DAB1: variants seen among roughly 807,000 people sequenced by gnomAD.
DAB1 encodes DAB adaptor protein 1.
Under a neutral mutation model 64.6 loss-of-function variants are expected in DAB1, and 15 were observed. The observed-to-expected ratio is 0.23, with a 90% CI of 0.16 to 0.36. DAB1 has a LOEUF of 0.36. Ranked by LOEUF, DAB1 falls within the 10% of genes least tolerant of loss-of-function variation. The pLI, the probability that DAB1 is intolerant of heterozygous loss-of-function variation, is 1.00. For synonymous variants in DAB1, 235 were observed against 251.9 expected, an observed-to-expected ratio of 0.93 and a Z score of 0.64; for missense variants, 596 against 706.7, an observed-to-expected ratio of 0.84 and a Z score of 1.78.
At chr1:57,492,134 T>C (rs1000677747) in intron 7 of DAB1, among the ~76,000 whole-genome samples, 11 of 152,322 alleles carry the variant, frequency 7.2e-5, no homozygotes, top group African/African-American at 2.2e-4. Flanking sequence ...AGAAAAGACA[T>C]GTTCATAGTC....
intron 3 of DAB1, among the ~76,000 whole-genome samples, chr1:58,427,850 A>T (rs915263827): frequency 6.6e-6 from 1 of 152,234 alleles, no homozygotes; most frequent in Non-Finnish European, 1.5e-5. Context: ...TCATCAACTC[A>T]GCCAGCGTGA....
chr1:58,218,871 C>T (rs573624592), intron 4 of DAB1, among the ~76,000 whole-genome samples: 5 of 152,178 alleles, frequency 3.3e-5, no homozygotes, highest in South Asian at 2.1e-4. Context: ...TCTATCAACA[C>T]GCAGTGCATC....
At chr1:58,012,599 A>G (rs1157058693) in intron 5 of DAB1, among the ~76,000 whole-genome samples, 1 of 152,194 alleles carries the variant, frequency 6.6e-6, no homozygotes, top group East Asian at 1.9e-4. Flanking sequence ...TAAGGCAATG[A>G]GGATAGAGCT....
chr1:57,193,654 G>A (rs889816444), intron 2 of DAB1, among the ~76,000 whole-genome samples: 5 of 152,098 alleles, frequency 3.3e-5, no homozygotes, highest in Non-Finnish European at 5.9e-5. Context: ...CAAAGTGCTG[G>A]CATTGTAGGC....
At chr1:58,101,460 C>A (rs963942082) in intron 5 of DAB1, among the ~76,000 whole-genome samples, 10 of 152,116 alleles carry the variant, frequency 6.6e-5, no homozygotes, top group African/African-American at 2.2e-4. Flanking sequence ...AGAGTGAGAG[C>A]AACCTAGGGG....
intron 3 of DAB1, among the ~76,000 whole-genome samples, chr1:58,470,634 C>A (rs766464408): frequency 1.3e-5 from 2 of 152,142 alleles, no homozygotes; most frequent in Non-Finnish European, 2.9e-5. Context: ...GCGAAGACTG[C>A]AGTTTCTTTT....
chr1:57,341,341 C>T (rs1279086832), intron 1 of DAB1, among the ~76,000 whole-genome samples: 1 of 152,210 alleles, frequency 6.6e-6, no homozygotes, highest in African/African-American at 2.4e-5. Flanking sequence ...GGGAGATTAT[C>T]TAGCACCAAA....
chr1:57,030,659 G>A (rs796187280), intron 9 of DAB1, among the ~76,000 whole-genome samples: 5 of 152,304 alleles, frequency 3.3e-5, no homozygotes, highest in African/African-American at 1.2e-4. Flanking sequence ...CTTTCATACA[G>A]TAACAGCCCA....
intron 4 of DAB1, among the ~76,000 whole-genome samples, chr1:58,299,275 A>C (rs1490003802): frequency 6.6e-6 from 1 of 152,218 alleles, no homozygotes; most frequent in East Asian, 1.9e-4. Flanking sequence ...TTTAAAACTC[A>C]GATTTGACTG....
chr1:57,469,774 A>G (rs1687078281), intron 7 of DAB1, among the ~76,000 whole-genome samples: 1 of 152,220 alleles, frequency 6.6e-6, no homozygotes, highest in Non-Finnish European at 1.5e-5. Context: ...AGTATCTTCT[A>G]TGAGTTATTT....
intron 6 of DAB1, among the ~76,000 whole-genome samples, chr1:57,740,065 T>A (rs1002380293): frequency 1.3e-4 from 10 of 76,684 alleles, no homozygotes; most frequent in African/African-American, 3.0e-4. Flanking sequence ...AAAAAAAAAA[T>A]TCGCCAGGCG....
At chr1:58,412,598 G>A (rs338901) in intron 3 of DAB1, among the ~76,000 whole-genome samples, 97,977 of 152,114 alleles carry the variant, frequency 0.64, 33,238 homozygotes, top group African/African-American at 0.87. Context: ...TCTACCTTCC[G>A]GGTTAGAATT....
At chr1:57,410,107 G>T (rs1390224565) in intron 1 of DAB1, among the ~76,000 whole-genome samples, 1 of 152,156 alleles carries the variant, frequency 6.6e-6, no homozygotes, top group Admixed American at 6.5e-5. Flanking sequence ...AAGGAAGAAT[G>T]AAAGGACAGG....
intron 7 of DAB1, among the ~76,000 whole-genome samples, chr1:57,625,156 T>TTCCC (rs1244233338): frequency 4.6e-5 from 7 of 152,152 alleles, no homozygotes; most frequent in Non-Finnish European, 1.0e-4. Flanking sequence ...TTCTCCCTAC[T>TTCCC]TCCCTCCTTT....
chr1:57,735,189 C>T (rs967837708), intron 6 of DAB1, among the ~76,000 whole-genome samples: 2 of 152,068 alleles, frequency 1.3e-5, no homozygotes, highest in African/African-American at 2.4e-5. Context: ...AGAAGTGAGA[C>T]TAGGTGAAGA....
intron 4 of DAB1, among the ~76,000 whole-genome samples, chr1:58,204,749 G>A (rs1265672191): frequency 6.6e-6 from 1 of 152,132 alleles, no homozygotes; most frequent in East Asian, 1.9e-4. Flanking sequence ...GTATGTGCAG[G>A]CCAATGCATC....
At chr1:57,710,358 A>G (rs1647013653) in intron 6 of DAB1, among the ~76,000 whole-genome samples, 1 of 152,194 alleles carries the variant, frequency 6.6e-6, no homozygotes, top group Non-Finnish European at 1.5e-5. Flanking sequence ...TAAAATCTCT[A>G]GTCTAATTCC....
At chr1:57,923,511 G>A (rs1252087657) in intron 5 of DAB1, among the ~76,000 whole-genome samples, 1 of 152,184 alleles carries the variant, frequency 6.6e-6, no homozygotes, top group East Asian at 1.9e-4. Context: ...TTAGCAATTT[G>A]TTACACAAGT....
chr1:58,165,165 TCA>T (rs1298743509), intron 4 of DAB1, among the ~76,000 whole-genome samples: 1 of 152,136 alleles, frequency 6.6e-6, no homozygotes, highest in Non-Finnish European at 1.5e-5. Flanking sequence ...ATCGCCACAT[TCA>T]CACTGTTGCT....
Sources: allele counts gnomAD v4.1 joint callset (sites outside exome capture counted in the v4.1 genomes callset), GRCh38; gene constraint gnomAD v4.1.1; transcripts MANE v1.5; gene names NCBI Gene and HGNC (gene_info 2026-07-23, HGNC 2026-07-21).